RBFOX1: variants seen among roughly 807,000 people sequenced by gnomAD.
RBFOX1 encodes RNA binding protein fox-1 homolog 1.
RBFOX1 carries 8 observed loss-of-function variants against 57.7 expected under a neutral mutation model. The observed-to-expected ratio is 0.14, with a 90% CI of 0.08 to 0.25. RBFOX1 has a LOEUF of 0.25. Ranked by LOEUF, RBFOX1 falls within the 10% of genes least tolerant of loss-of-function variation. RBFOX1 has a pLI of 1.00. For synonymous variants in RBFOX1, 326 were observed against 222.4 expected (o/e 1.47, Z -4.15); for missense variants, 611 against 548.5 (o/e 1.11, Z -1.14).
chr16:7,502,742 G>A (rs1347305702), intron 4 of RBFOX1, among the ~76,000 whole-genome samples: 4 of 152,168 alleles, frequency 2.6e-5, no homozygotes, highest in African/African-American at 9.7e-5. Flanking sequence ...ATTCTGAATT[G>A]GCTGGGAGTA....
intron 4 of RBFOX1, among the ~76,000 whole-genome samples, chr16:7,163,762 A>G (rs1413871319): frequency 6.6e-6 from 1 of 151,904 alleles, no homozygotes; most frequent in South Asian, 2.1e-4. Context: ...GTTCAAGCGA[A>G]TCTCCCACCT....
At chr16:6,026,202 A>C (rs900060683) in intron 1 of RBFOX1, among the ~76,000 whole-genome samples, 9 of 151,630 alleles carry the variant, frequency 5.9e-5, no homozygotes, top group South Asian at 2.1e-4. Context: ...CTCTTACTCC[A>C]CTCCATGGTC....
At chr16:5,868,755 C>T (rs527929477) in intron 4 of RBFOX1, among the ~76,000 whole-genome samples, 1 of 152,254 alleles carries the variant, frequency 6.6e-6, no homozygotes, top group Admixed American at 6.5e-5. Flanking sequence ...TGACCAGTCA[C>T]TCGAGTGAGT....
chr16:6,679,855 A>G (rs552656869), intron 3 of RBFOX1, among the ~76,000 whole-genome samples: 14 of 146,992 alleles, frequency 9.5e-5, no homozygotes, highest in African/African-American at 3.6e-4. Context: ...GGGACCTTCT[A>G]CATAAAGCCA....
At chr16:5,835,304 G>T (rs2056423709) in intron 3 of RBFOX1, among the ~76,000 whole-genome samples, 1 of 152,202 alleles carries the variant, frequency 6.6e-6, no homozygotes, top group Admixed American at 6.5e-5. Context: ...CCACATGGGA[G>T]GAGGAAAGGG....
At chr16:6,697,130 A>T (rs2061168168) in intron 3 of RBFOX1, among the ~76,000 whole-genome samples, 1 of 152,190 alleles carries the variant, frequency 6.6e-6, no homozygotes, top group Non-Finnish European at 1.5e-5. Flanking sequence ...TTGCTTGAAG[A>T]TATTCAGGGA....
chr16:6,308,202 T>G (rs1020071705), intron 1 of RBFOX1, among the ~76,000 whole-genome samples: 1 of 152,148 alleles, frequency 6.6e-6, no homozygotes, highest in Admixed American at 6.5e-5. Flanking sequence ...ACATTGTGTA[T>G]TTATCTATTT....
chr16:7,188,827 G>A (rs1314942221), intron 4 of RBFOX1, among the ~76,000 whole-genome samples: 1 of 152,196 alleles, frequency 6.6e-6, no homozygotes, highest in African/African-American at 2.4e-5. Flanking sequence ...CATTGAGTTG[G>A]CTGTTAAAAA....
chr16:7,071,828 C>G (rs2153778787), intron 4 of RBFOX1, among the ~76,000 whole-genome samples: 1 of 152,108 alleles, frequency 6.6e-6, no homozygotes, highest in Non-Finnish European at 1.5e-5. Flanking sequence ...ACACACCTGC[C>G]CATTAATCTG....
intron 14 of RBFOX1, among the ~76,000 whole-genome samples, chr16:7,693,623 G>T (rs1199012854): frequency 6.6e-6 from 1 of 152,052 alleles, no homozygotes; most frequent in African/African-American, 2.4e-5. Context: ...AGAGTATGTT[G>T]AATGAATCCA....
In RBFOX1 at chr16:5,884,453, C is replaced by T. The variant is rs12935221; in HGVS notation, c.351+17118C>T. 3.0e-3 allele frequency among the ~76,000 whole-genome samples: 428 copies of T among 144,448 alleles called. 4 individuals carry two copies. The highest frequency in any genetic ancestry group is 9.5e-3 in the African/African-American group (370 of 38,852). 94.8% of individuals were successfully genotyped at this position (144,448 alleles called of 152,430 possible). ...CCATCTGTTCCACCGCCCCGCCCCCCGCTCCCCACCACCCCCCTACCCCCG... is the reference window on the plus strand; with the variant it reads ...CCATCTGTTCCACCGCCCCGCCCCCTGCTCCCCACCACCCCCCTACCCCCG... On this transcript the variant is annotated intron_variant, in intron 4 of 19. Coordinates refer to the RBFOX1 transcript ENST00000641259.
At chr16:6,255,404 G>A (rs543612967) in intron 1 of RBFOX1, among the ~76,000 whole-genome samples, 5 of 152,244 alleles carry the variant, frequency 3.3e-5, no homozygotes, top group Admixed American at 6.5e-5. Flanking sequence ...AGAGGTGAAA[G>A]GGCACAGGAC....
intron 4 of RBFOX1, among the ~76,000 whole-genome samples, chr16:5,916,123 A>T (rs12443879): frequency 6.6e-6 from 1 of 152,052 alleles, no homozygotes; most frequent in South Asian, 2.1e-4. Flanking sequence ...AATGTAAGAC[A>T]TTGGAGAGCC....
At chr16:5,468,379 A>G (rs1391304608) in intron 2 of RBFOX1, among the ~76,000 whole-genome samples, 1 of 151,198 alleles carries the variant, frequency 6.6e-6, no homozygotes, top group Non-Finnish European at 1.5e-5. Context: ...CCTGACAGAC[A>G]CCAGTCTGCA....
At chr16:5,374,410 T>C (rs192358240) in intron 1 of RBFOX1, among the ~76,000 whole-genome samples, 1 of 152,278 alleles carries the variant, frequency 6.6e-6, no homozygotes, top group Admixed American at 6.5e-5. Flanking sequence ...TCCTTAAATT[T>C]GCATGTATGG....
chr16:7,317,640 T>A (rs2096468560), intron 4 of RBFOX1, among the ~76,000 whole-genome samples: 1 of 152,144 alleles, frequency 6.6e-6, no homozygotes, highest in Admixed American at 6.5e-5. Context: ...TTTTATGAAA[T>A]GTCCACTGAG....
chr16:6,356,979 A>G (rs1170414328), intron 2 of RBFOX1, among the ~76,000 whole-genome samples: 1 of 152,130 alleles, frequency 6.6e-6, no homozygotes, highest in Non-Finnish European at 1.5e-5. Flanking sequence ...GCAGCCCGGT[A>G]ATGGATTCCC....
rs73531987 is a variant in RBFOX1, at chr16:6,677,477, A to G, written c.-16+22827A>G. Among the ~76,000 whole-genome samples the G allele has an allele frequency of 2.1e-3, 327 of 152,312 alleles. 1 individual carries two copies. The highest frequency in any genetic ancestry group is 7.8e-3 in the African/African-American group (324 of 41,564). On this transcript the variant is annotated intron_variant, in intron 3 of 15. Transcript: ENST00000550418. ...GCTACCTACATCAAAAGATCCTAAA[A>G]AGAAAGTTTTAAACATCCAGCCTAA... is the stretch of plus-strand genomic sequence containing the variant.
intron 4 of RBFOX1, among the ~76,000 whole-genome samples, chr16:7,296,170 A>G (rs1303246712): frequency 6.6e-6 from 1 of 151,944 alleles, no homozygotes; most frequent in Non-Finnish European, 1.5e-5. Flanking sequence ...CAGCTAAATG[A>G]GAAAATTAAG....
Sources: gnomAD v4.1 joint callset for allele counts (sites outside exome capture counted in the v4.1 genomes callset) on GRCh38, gnomAD v4.1.1 for gene constraint, MANE v1.5 for transcripts, NCBI Gene and HGNC (gene_info 2026-07-23, HGNC 2026-07-21) for gene names.